Variants in PGM1 observed in about 807,000 individuals in gnomAD.
PGM1 encodes the protein phosphoglucomutase 1, also known as phosphoglucomutase-1.
A neutral mutation model predicts 55.6 loss-of-function variants in PGM1; 52 were observed. The observed-to-expected ratio is 0.94, with a 90% confidence interval of 0.75 to 1.18. PGM1 has a LOEUF of 1.18. PGM1 is among the 50% of genes most tolerant of loss of function. PGM1 has a pLI of 0.00. For missense variants in PGM1, 724 were observed against 729.3 expected (o/e 0.99, Z 0.08); for synonymous variants, 287 against 271.7 (o/e 1.06, Z -0.55).
chr1:63,610,932 G>A (rs917926707), intron 1 of PGM1, among the ~76,000 whole-genome samples: 5 of 152,182 alleles, frequency 3.3e-5, no homozygotes, highest in African/African-American at 9.7e-5. Context: ...GTGTTTGTAT[G>A]CCAGGTCTAC....
intron 7 of PGM1, among the ~76,000 whole-genome samples, chr1:63,643,303 C>T (rs114179286): frequency 0.014 from 2,141 of 152,312 alleles, 54 homozygotes; most frequent in African/African-American, 0.049. Flanking sequence ...GCAGGGGATA[C>T]GCCTTGTGCA....
At chr1:63,633,908 GTGTGTGTGTGTATA>G (rs1332891130) in intron 4 of PGM1, among the ~76,000 whole-genome samples, 7 of 33,254 alleles carry the variant, frequency 2.1e-4, no homozygotes, top group African/African-American at 6.6e-4. Flanking sequence ...GTGTGTGTGT[GTGTGTGTGTGTATA>G]TATATATATA....
intron 1 of PGM1, among the ~76,000 whole-genome samples, chr1:63,601,498 T>C (rs902620535): frequency 9.2e-5 from 14 of 152,316 alleles, no homozygotes; most frequent in Admixed American, 6.5e-4. Context: ...CTCCTCCAAG[T>C]TCCCTTGAGG....
At chr1:63,651,501 C>T (rs1424801628) in intron 8 of PGM1, 168 bp from the exon 9 acceptor site, 2 of 644,070 alleles carry the variant, frequency 3.1e-6, no homozygotes, top group East Asian at 2.8e-5. Flanking sequence ...TCATCCCTGG[C>T]CTGTTCCATC....
chr1:63,625,402 C>T (rs771354028), intron 1 of PGM1, among the ~76,000 whole-genome samples: 2 of 152,174 alleles, frequency 1.3e-5, no homozygotes, highest in Non-Finnish European at 2.9e-5. Context: ...GCATTTAAAA[C>T]AGTCATGCTA....
At chr1:63,627,724 C>T (rs1349717514) in intron 1 of PGM1, among the ~76,000 whole-genome samples, 1 of 152,082 alleles carries the variant, frequency 6.6e-6, no homozygotes, top group Non-Finnish European at 1.5e-5. Context: ...TATCACCAGC[C>T]TCTCCTTCCA....
intron 10 of PGM1, among the ~76,000 whole-genome samples, chr1:63,657,001 A>G (rs1649986118): frequency 6.6e-6 from 1 of 152,236 alleles, no homozygotes; most frequent in African/African-American, 2.4e-5. Flanking sequence ...AAAAAAGGTA[A>G]GTAGGTGACA....
At chr1:63,603,566 A>C (rs1233381480) in intron 1 of PGM1, among the ~76,000 whole-genome samples, 1 of 152,228 alleles carries the variant, frequency 6.6e-6, no homozygotes, top group African/African-American at 2.4e-5. Flanking sequence ...CAGAATCGTA[A>C]GACCAGATGG....
chr1:63,633,331 T>C (rs894442007), intron 4 of PGM1, among the ~76,000 whole-genome samples: 15 of 152,106 alleles, frequency 9.9e-5, no homozygotes, highest in African/African-American at 3.4e-4. Flanking sequence ...GAGGAGGGCA[T>C]TGGGTAAGAG....
intron 1 of PGM1, among the ~76,000 whole-genome samples, chr1:63,594,850 A>G (rs1648001389): frequency 2.0e-5 from 3 of 147,148 alleles, no homozygotes; most frequent in South Asian, 2.1e-4. Flanking sequence ...AGTCTCAGCT[A>G]CTCGGGAGGC....
In PGM1 at chr1:63,622,563, A is replaced by G. The variant is rs572110103; in HGVS notation, c.247-6862A>G. On this transcript the variant is annotated intron_variant, in intron 1 of 10. Transcript: ENST00000371084. ...TTTTTCTAAATAAAAACTCGATCCA[A>G]CCCTGTGTACTCAGAAAAACATATG... Among the ~76,000 whole-genome samples, 4 of 152,306 alleles carry G rather than the reference A, an allele frequency of 2.6e-5. No homozygotes were observed. In the South Asian group the frequency reaches 8.3e-4, roughly 32 times the overall value.
At chr1:63,633,790 C>T (rs1269384866) in intron 4 of PGM1, among the ~76,000 whole-genome samples, 1 of 150,860 alleles carries the variant, frequency 6.6e-6, no homozygotes, top group African/African-American at 2.4e-5. Flanking sequence ...GCCTCAGCCT[C>T]CTGAGTAGCT....
intron 3 of PGM1, among the ~76,000 whole-genome samples, chr1:63,631,145 T>G (rs1450353033): frequency 1.3e-5 from 2 of 152,222 alleles, no homozygotes; most frequent in Non-Finnish European, 2.9e-5. Flanking sequence ...TTTTATTCCT[T>G]AAGCAGTACC....
intron 1 of PGM1, among the ~76,000 whole-genome samples, chr1:63,614,388 C>A (rs114380776): frequency 6.6e-6 from 1 of 152,140 alleles, no homozygotes; most frequent in African/African-American, 2.4e-5. Flanking sequence ...ATCCCTAAAG[C>A]CTTGCTCTCA....
intron 1 of PGM1, among the ~76,000 whole-genome samples, chr1:63,620,811 T>G (rs141349962): frequency 6.6e-6 from 1 of 152,244 alleles, no homozygotes; most frequent in Non-Finnish European, 1.5e-5. Flanking sequence ...AAATCCCCCA[T>G]ATGGTTTAAA....
At chr1:63,626,167 G>C (rs995904031) in intron 1 of PGM1, among the ~76,000 whole-genome samples, 34 of 152,126 alleles carry the variant, frequency 2.2e-4, no homozygotes, top group African/African-American at 8.2e-4. Context: ...TTAGTGCCTG[G>C]CTGAGGGGGT....
intron 9 of PGM1, among the ~76,000 whole-genome samples, chr1:63,653,331 C>T (rs1649871465): frequency 6.6e-6 from 1 of 152,126 alleles, no homozygotes. Context: ...CTGGTGTGTT[C>T]CTAGAAAGCA....
chr1:63,639,865 C>T (rs1649468668), intron 7 of PGM1, among the ~76,000 whole-genome samples: 1 of 152,160 alleles, frequency 6.6e-6, no homozygotes, highest in African/African-American at 2.4e-5. Flanking sequence ...TTACAGAGTT[C>T]TAAGCAACTT....
rs376252389 is a variant in PGM1, at chr1:63,645,406, A to G, written c.1145-3111A>G. ...AGAAAAAAAAATTAAGGAGAAAAAG[A>G]AGGAAGAAAAAAACCCAGTGGGGCA... On this transcript the variant is annotated intron_variant, in intron 7 of 10. Coordinates refer to ENST00000371084, the MANE Select transcript of PGM1 (RefSeq NM_002633.3). 7.9e-5 allele frequency among the ~76,000 whole-genome samples: 12 copies of G among 152,304 alleles called. 3 individuals carry two copies. The highest frequency in any genetic ancestry group is 1.9e-4 in the East Asian group (1 of 5,184).
Sources: gnomAD v4.1 joint callset for allele counts (sites outside exome capture counted in the v4.1 genomes callset) on GRCh38, gnomAD v4.1.1 for gene constraint, MANE v1.5 for transcripts, NCBI Gene and HGNC (gene_info 2026-07-23, HGNC 2026-07-21) for gene names.